The following SBF2 variants were observed in gnomAD, a reference collection of about 807,000 sequenced individuals.
SBF2 encodes myotubularin-related protein 13.
A neutral mutation model predicts 225.2 loss-of-function variants in SBF2; 112 were observed. The ratio of observed to expected loss-of-function variants is 0.50; its 90% CI spans 0.43 to 0.58. The LOEUF (loss-of-function observed/expected upper bound fraction) is 0.58. Among genes scored for constraint, SBF2 ranks in the 20% least tolerant of loss-of-function variants. SBF2 has a pLI of 0.00. For missense variants in SBF2, 1,996 were observed against 2,206.2 expected, an observed-to-expected ratio of 0.90 and a Z score of 1.91; for synonymous variants, 763 against 773.3, an observed-to-expected ratio of 0.99 and a Z score of 0.22.
upstream of SBF2, among the ~76,000 whole-genome samples, chr11:10,297,080 G>A (rs920762438): frequency 6.6e-6 from 1 of 151,982 alleles, no homozygotes. Flanking sequence ...AGTTGTAAGA[G>A]TTCTTTATAT....
intron 32 of SBF2, among the ~76,000 whole-genome samples, chr11:9,804,685 A>T (rs1243880139): frequency 6.6e-6 from 1 of 152,190 alleles, no homozygotes; most frequent in Non-Finnish European, 1.5e-5. Flanking sequence ...AATGTCATAT[A>T]AATAAACTTA....
At chr11:10,228,446 T>C (rs751928321) in intron 1 of SBF2, among the ~76,000 whole-genome samples, 24 of 152,326 alleles carry the variant, frequency 1.6e-4, no homozygotes, top group Middle Eastern at 3.4e-3. Flanking sequence ...CAGTATGATA[T>C]TGGCTGTAGG....
At chr11:9,992,296 G>T in intron 12 of SBF2, 119 bp downstream of exon 12, 12 of 729,058 alleles carry the variant, frequency 1.6e-5, no homozygotes, top group South Asian at 7.8e-5. Context: ...AATAACATTG[G>T]GATTATTTAA....
intron 2 of SBF2, among the ~76,000 whole-genome samples, chr11:10,193,464 C>G (rs968487254): frequency 6.7e-6 from 1 of 150,352 alleles, no homozygotes; most frequent in East Asian, 1.9e-4. Context: ...ATGCCATTCT[C>G]CTGCCTCAGC....
At chr11:9,819,296 C>T (rs922747927) in intron 28 of SBF2, 1 of 151,926 alleles carries the variant, frequency 6.6e-6, no homozygotes, top group African/African-American at 2.4e-5. Context: ...TATCTCTGTA[C>T]CCATGCACTG....
At chr11:9,975,380 A>C (rs886468106) in intron 13 of SBF2, among the ~76,000 whole-genome samples, 1 of 152,232 alleles carries the variant, frequency 6.6e-6, no homozygotes, top group African/African-American at 2.4e-5. Flanking sequence ...TAAGTGAATG[A>C]AGCTAAACTC....
At chr11:10,163,283 CAAT>C (rs1955829862) in intron 2 of SBF2, among the ~76,000 whole-genome samples, 1 of 152,034 alleles carries the variant, frequency 6.6e-6, no homozygotes, top group African/African-American at 2.4e-5. Flanking sequence ...CTAAAATACA[CAAT>C]AATGACAAGA....
chr11:9,976,072 C>CTTTTTTTTTTTTTTTTTTT (rs773334975), intron 13 of SBF2, among the ~76,000 whole-genome samples: 1 of 128,262 alleles, frequency 7.8e-6, no homozygotes, highest in Non-Finnish European at 1.6e-5. Flanking sequence ...TCTTCTTCTT[C>CTTTTTTTTTTTTTTTTTTT]TTTTTTTTTT....
chr11:10,174,305 G>C (rs1425695981), intron 2 of SBF2, among the ~76,000 whole-genome samples: 5 of 152,128 alleles, frequency 3.3e-5, no homozygotes, highest in African/African-American at 1.2e-4. Context: ...CCAATACAGA[G>C]AAGTGCTTAA....
chr11:10,173,262 C>A (rs923750885), intron 2 of SBF2, among the ~76,000 whole-genome samples: 44 of 152,204 alleles, frequency 2.9e-4, no homozygotes, highest in African/African-American at 1.1e-3. Context: ...GTTCATCTCA[C>A]TAGGGAGTGC....
In SBF2 at chr11:9,787,543, C is replaced by T. The variant is rs1439961459; in HGVS notation, c.5037+91G>A. 6 of 1,068,764 alleles carry T rather than the reference C, an allele frequency of 5.6e-6. No individual in the cohort carries two copies. In the East Asian group the frequency reaches 1.2e-4, roughly 21 times the overall value. 66.2% of individuals were successfully genotyped at this position (1,068,764 alleles called of 1,614,324 possible). A position where few individuals can be genotyped will look rare whatever the true frequency, so the allele number is the denominator to read the frequency against. ...CCCTTCCTTCTGGCCATAAACCCAG[C>T]TGGGTCTTGTCACCTGTGGCAGCAG... is the stretch of plus-strand genomic sequence containing the variant. On this transcript the variant is annotated intron_variant, in intron 36 of 39. Coordinates refer to ENST00000256190, the MANE Select transcript of SBF2 (RefSeq NM_030962.4).
rs1462580340 is a variant in SBF2 at position 10,140,622 on chromosome 11, G to C, written c.141+53280C>G. ...TAAGTAAAGTGTTACCCTCAGTTTT[G>C]TCAGCTGTTCTAGAAAATTTTCAAG... On this transcript the variant is annotated intron_variant, in intron 2 of 39. Transcript: ENST00000256190. 1.3e-5 allele frequency among the ~76,000 whole-genome samples: 2 copies of C among 152,104 alleles called. 1 individual carries two copies. Among genetic ancestry groups the C allele is most frequent in the Non-Finnish European group, 2.9e-5 (2 of 68,020 alleles).
intron 26 of SBF2, chr11:9,839,123 C>T (rs1347988068): frequency 2.3e-5 from 7 of 304,888 alleles, no homozygotes; most frequent in South Asian, 1.9e-4. Context: ...TATTTACCAA[C>T]TGACCCTTTA....
At chr11:10,137,416 G>C (rs1468331662) in intron 2 of SBF2, among the ~76,000 whole-genome samples, 1 of 152,100 alleles carries the variant, frequency 6.6e-6, no homozygotes, top group African/African-American at 2.4e-5. Flanking sequence ...GAGCTGGCTA[G>C]AACTTCCAAC....
At chr11:10,087,214 T>G (rs1404368251) in intron 2 of SBF2, among the ~76,000 whole-genome samples, 2 of 152,142 alleles carry the variant, frequency 1.3e-5, no homozygotes, top group African/African-American at 4.8e-5. Context: ...AATTTTGATG[T>G]GTATTTTTGA....
chr11:10,211,196 C>T (rs1957935538), intron 1 of SBF2, among the ~76,000 whole-genome samples: 3 of 152,004 alleles, frequency 2.0e-5, no homozygotes, highest in African/African-American at 7.2e-5. Context: ...AACAACAAAG[C>T]CAGTAGCCTT....
chr11:10,201,064 T>C (rs574850803), intron 1 of SBF2, among the ~76,000 whole-genome samples: 4 of 152,226 alleles, frequency 2.6e-5, no homozygotes, highest in African/African-American at 9.6e-5. Flanking sequence ...ACCTAGCACC[T>C]GTTCTTCTCT....
At chr11:9,917,968 A>G (rs1329734808) in intron 16 of SBF2, among the ~76,000 whole-genome samples, 1 of 151,684 alleles carries the variant, frequency 6.6e-6, no homozygotes, top group Non-Finnish European at 1.5e-5. Flanking sequence ...CGCCTAGCCA[A>G]AAACCTTTCC....
In SBF2 at chr11:10,241,609, G is replaced by A. The variant is rs1048991520; in HGVS notation, c.56-47622C>T. ...ATCAGGAAACATTACAGATCCTACT[G>A]ACTTCAAAAAGATAAAAAAGTATAT... On this transcript the variant is annotated intron_variant, in intron 1 of 39. Coordinates refer to ENST00000256190, the MANE Select transcript of SBF2 (RefSeq NM_030962.4). Among the ~76,000 whole-genome samples the A allele has an allele frequency of 8.5e-5, 13 of 152,106 alleles. No homozygotes were observed. In the South Asian group the frequency reaches 2.7e-3, roughly 32 times the overall value.
Sources: gnomAD v4.1 joint callset for allele counts (sites outside exome capture counted in the v4.1 genomes callset) on GRCh38, gnomAD v4.1.1 for gene constraint, MANE v1.5 for transcripts, NCBI Gene and HGNC (gene_info 2026-07-23, HGNC 2026-07-21) for gene names.